The following APPBP2 variants were observed in gnomAD, a reference collection of about 807,000 sequenced individuals.
APPBP2 encodes amyloid protein-binding protein 2.
APPBP2 carries 15 observed loss-of-function variants against 76.0 expected under a neutral mutation model. That is an observed-to-expected ratio of 0.20 (90% CI 0.13 to 0.30). The LOEUF is 0.30. Among genes scored for constraint, APPBP2 ranks in the 10% least tolerant of loss-of-function variants. The pLI, the probability that APPBP2 is intolerant of heterozygous loss-of-function variation, is 1.00. For missense variants in APPBP2, 401 were observed against 687.2 expected, an observed-to-expected ratio of 0.58 and a Z score of 4.66; for synonymous variants, 222 against 242.2, an observed-to-expected ratio of 0.92 and a Z score of 0.77.
At chr17:60,472,409 T>C (rs1027923020) in intron 4 of APPBP2, among the ~76,000 whole-genome samples, 1 of 152,196 alleles carries the variant, frequency 6.6e-6, no homozygotes, top group Non-Finnish European at 1.5e-5. Flanking sequence ...TCTAAAAAAT[T>C]TGTCCATTTT....
At chr17:60,463,974 C>T in intron 6 of APPBP2, 47 bp downstream of exon 6, 1 of 1,347,820 alleles carries the variant, frequency 7.4e-7, no homozygotes, top group Non-Finnish European at 1.0e-6. Context: ...AAACTTAAAG[C>T]CTGATAAATC....
intron 3 of APPBP2, among the ~76,000 whole-genome samples, chr17:60,484,940 C>T (rs1018118395): frequency 6.6e-6 from 1 of 151,992 alleles, no homozygotes; most frequent in Non-Finnish European, 1.5e-5. Context: ...TGTCAAAGGC[C>T]TTTCCTGCCT....
chr17:60,486,990 A>G (rs1342608601), intron 3 of APPBP2, among the ~76,000 whole-genome samples: 2 of 152,136 alleles, frequency 1.3e-5, no homozygotes, highest in Non-Finnish European at 2.9e-5. Context: ...TGGGTTGAAA[A>G]TTCTTTTCTT....
intron 4 of APPBP2, chr17:60,477,484 T>C (rs2090599114): frequency 6.6e-6 from 1 of 152,116 alleles, no homozygotes; most frequent in African/African-American, 2.4e-5. Context: ...AAATCCCATA[T>C]GGGATAATGT....
chr17:60,479,798 C>T (rs919744407), intron 3 of APPBP2, among the ~76,000 whole-genome samples: 1 of 152,140 alleles, frequency 6.6e-6, no homozygotes, highest in Non-Finnish European at 1.5e-5. Context: ...CTAAATATGA[C>T]TAACATTTAA....
intron 1 of APPBP2, among the ~76,000 whole-genome samples, chr17:60,504,674 A>G (rs1400569955): frequency 6.6e-6 from 1 of 152,162 alleles, no homozygotes; most frequent in Non-Finnish European, 1.5e-5. Flanking sequence ...TCAGCCCGGC[A>G]TGGCTGCGTG....
At chr17:60,488,448 T>C (rs1194562548) in intron 3 of APPBP2, among the ~76,000 whole-genome samples, 2 of 152,212 alleles carry the variant, frequency 1.3e-5, no homozygotes, top group South Asian at 2.1e-4. Flanking sequence ...TTATATAAAA[T>C]GTCCAGAACA....
chr17:60,500,012 CTTT>C (rs563111313), intron 2 of APPBP2, among the ~76,000 whole-genome samples: 5 of 137,956 alleles, frequency 3.6e-5, no homozygotes, highest in Admixed American at 1.5e-4. Flanking sequence ...TGTGAATATA[CTTT>C]TTTTTTTTTT....
chr17:60,521,558 C>T (rs950021156), intron 1 of APPBP2, among the ~76,000 whole-genome samples: 1 of 152,154 alleles, frequency 6.6e-6, no homozygotes, highest in African/African-American at 2.4e-5. Flanking sequence ...CCACACGTGG[C>T]CCAGGTCAGC....
intron 3 of APPBP2, among the ~76,000 whole-genome samples, chr17:60,483,025 G>C (rs1479374127): frequency 6.6e-6 from 1 of 152,078 alleles, no homozygotes; most frequent in Non-Finnish European, 1.5e-5. Context: ...CACAATAGTT[G>C]AACTAGTTTA....
At chr17:60,491,913 A>C (rs1285351718) in intron 3 of APPBP2, among the ~76,000 whole-genome samples, 1 of 152,206 alleles carries the variant, frequency 6.6e-6, no homozygotes, top group African/African-American at 2.4e-5. Context: ...AATGGAGAAA[A>C]TGTCTCCAGG....
At chr17:60,517,890 G>C (rs973306678) in intron 1 of APPBP2, among the ~76,000 whole-genome samples, 21 of 152,074 alleles carry the variant, frequency 1.4e-4, no homozygotes, top group African/African-American at 3.9e-4. Context: ...ATCTTTTAAT[G>C]TTCATTGGCC....
At chr17:60,465,734 T>G (rs141294433) in intron 5 of APPBP2, among the ~76,000 whole-genome samples, 2 of 152,026 alleles carry the variant, frequency 1.3e-5, no homozygotes, top group East Asian at 3.9e-4. Context: ...ACCAAACAAT[T>G]TAGGCAAATA....
chr17:60,510,682 C>T (rs1053208107), intron 1 of APPBP2, among the ~76,000 whole-genome samples: 1 of 152,074 alleles, frequency 6.6e-6, no homozygotes, highest in African/African-American at 2.4e-5. Context: ...CTCCACTACA[C>T]CAGAGCCTGG....
At position 60,490,662 on chromosome 17, in the gene APPBP2, C is replaced by A. The variant is rs571766022; in HGVS notation, c.379+3804G>T. ...CTCTGTGTCCCCACACAAATCTCAT[C>A]TTGAATTGTAGCTCCCATAATTCCC... On this transcript the variant is annotated intron_variant, in intron 3 of 12. Transcript: ENST00000083182. Among the ~76,000 whole-genome samples, 4 of 152,282 alleles carry A rather than the reference C, an allele frequency of 2.6e-5. No individual in the cohort carries two copies. In the South Asian group the frequency reaches 8.3e-4, roughly 32 times the overall value.
At chr17:60,517,149 T>G (rs2090969797) in intron 1 of APPBP2, among the ~76,000 whole-genome samples, 1 of 152,058 alleles carries the variant, frequency 6.6e-6, no homozygotes, top group Non-Finnish European at 1.5e-5. Flanking sequence ...CTAATTTTTT[T>G]TATTTTTAGT....
chr17:60,502,910 A>G (rs1296244366), intron 1 of APPBP2, among the ~76,000 whole-genome samples: 2 of 146,756 alleles, frequency 1.4e-5, no homozygotes, highest in Non-Finnish European at 2.9e-5. Flanking sequence ...CCTAAAAACA[A>G]AATTTTATGT....
rs139823273 is a variant in APPBP2 at position 60,483,635 on chromosome 17, C to T, written c.380-4364G>A. On this transcript the variant is annotated intron_variant, in intron 3 of 12. Transcript: ENST00000083182. ...GTCTCGATCTCCCGACCTCGTGATC[C>T]GCTCGCCTCGGCCTCCCAAAGTGCT... 7.0e-3 allele frequency among the ~76,000 whole-genome samples: 1,064 copies of T among 152,184 alleles called. 16 individuals carry two copies. Among genetic ancestry groups the T allele is most frequent in the Non-Finnish European group, 8.2e-3 (560 of 68,006 alleles).
At chr17:60,461,761 C>G (rs1898947142) in intron 8 of APPBP2, 49 bp downstream of exon 8, 3 of 1,376,814 alleles carry the variant, frequency 2.2e-6, no homozygotes, top group Admixed American at 4.0e-5. Flanking sequence ...AAATACAGGT[C>G]AGCAAGTCAA....
Sources: allele counts gnomAD v4.1 joint callset (sites outside exome capture counted in the v4.1 genomes callset), GRCh38; gene constraint gnomAD v4.1.1; transcripts MANE v1.5; gene names NCBI Gene and HGNC (gene_info 2026-07-23, HGNC 2026-07-21).